Variants in TMTC3 observed in about 807,000 individuals in gnomAD.
TMTC3 encodes transmembrane O-mannosyltransferase targeting cadherins 3, also known as protein O-mannosyl-transferase TMTC3.
Under a neutral mutation model 92.2 loss-of-function variants are expected in TMTC3, and 52 were observed. The ratio of observed to expected loss-of-function variants is 0.56; its 90% CI spans 0.45 to 0.71. The LOEUF (loss-of-function observed/expected upper bound fraction) is 0.71, where lower values mean the gene tolerates loss of function less well. TMTC3 is among the 30% of genes least tolerant of loss of function. The probability of loss-of-function intolerance (pLI) is 0.00; values close to 1 mark genes in which losing one functional copy is unlikely to be tolerated. For synonymous variants in TMTC3, 339 were observed against 363.3 expected, an observed-to-expected ratio of 0.93 and a Z score of 0.76; for missense variants, 896 against 1,057.1, an observed-to-expected ratio of 0.85 and a Z score of 2.11.
In TMTC3 at chr12:88,166,582, G is replaced by A. The variant is rs748051122; in HGVS notation, c.1050G>A (p.Met350Ile). 4.5e-5 allele frequency: 72 copies of A among 1,606,162 alleles called. No homozygotes were observed. Among genetic ancestry groups the A allele is most frequent in the Non-Finnish European group, 5.9e-5 (69 of 1,177,282 alleles). The change falls in exon 7 of 14, where the codon ATG becomes ATA. Residue 350 changes from methionine to isoleucine, a missense_variant and splice_region_variant. Coordinates refer to ENST00000266712, the MANE Select transcript of TMTC3 (RefSeq NM_181783.4). ...YSGDSSKTVLMALCLMALPFI... is the reference protein window; with the variant it reads ...YSGDSSKTVLIALCLMALPFI... ...GTGATTCCTCCAAGACTGTTTTAAT[G>A]GTAAGAAACTTTTCTTAACTTCCAA... is the stretch of plus-strand genomic sequence containing the variant.
At chr12:88,194,614 C>G (rs1383350768) in intron 13 of TMTC3, among the ~76,000 whole-genome samples, 1 of 152,180 alleles carries the variant, frequency 6.6e-6, no homozygotes, top group Non-Finnish European at 1.5e-5. Flanking sequence ...TTCTGAAGCA[C>G]TGTTACTGCT....
chr12:88,160,079 T>G (rs758161685), intron 4 of TMTC3, 35 bp from the exon 5 acceptor site: 6 of 1,393,276 alleles, frequency 4.3e-6, no homozygotes, highest in Non-Finnish European at 6.0e-6. Flanking sequence ...AAAATTGTTT[T>G]CTGAATTTTT....
At chr12:88,146,378 G>T (rs1474070397) in intron 1 of TMTC3, among the ~76,000 whole-genome samples, 2 of 152,140 alleles carry the variant, frequency 1.3e-5, no homozygotes, top group East Asian at 1.9e-4. Context: ...CTTGTGCATT[G>T]AACCTTGCCC....
chr12:88,192,601 C>T lies in TMTC3; in HGVS notation c.1707-3C>T, dbSNP rs1290819454. The T allele has an allele frequency of 6.3e-7, 1 of 1,591,404 alleles. No homozygotes were observed. The highest frequency in any genetic ancestry group is 8.6e-7 in the Non-Finnish European group (1 of 1,162,638). ...GTAAAGCTTGTGTTTGATTTTTCCA[C>T]AGAGGAGAATTGCTTTTAAAAATGA... On this transcript the variant is annotated splice_polypyrimidine_tract_variant and splice_region_variant and intron_variant, in intron 12 of 13. Coordinates refer to ENST00000266712, the MANE Select transcript of TMTC3 (RefSeq NM_181783.4).
At chr12:88,176,343 T>C in intron 10 of TMTC3, 24 bp downstream of exon 10, 2 of 1,512,042 alleles carry the variant, frequency 1.3e-6, no homozygotes, top group East Asian at 2.3e-5. Context: ...ACTAATAAAA[T>C]CATGAATTTT....
rs1277333787 is a variant in TMTC3 at position 88,199,570 on chromosome 12, T to C, written c.*3921T>C. Reference sequence around the variant, plus strand: ...CAAATGATTAGAAATCTAATAGTAATGCTTGTTCCTTTGCTATCTATGCTA... The same window carrying C: ...CAAATGATTAGAAATCTAATAGTAACGCTTGTTCCTTTGCTATCTATGCTA... On this transcript the variant is annotated 3_prime_UTR_variant, in exon 14 of 14. Transcript: ENST00000266712. 2 of 152,180 alleles carry C rather than the reference T, an allele frequency of 1.3e-5. No homozygotes were observed. Among genetic ancestry groups the C allele is most frequent in the Non-Finnish European group, 1.5e-5 (1 of 68,032 alleles). 9.4% of individuals were successfully genotyped at this position (152,180 alleles called of 1,614,324 possible).
intron 10 of TMTC3, among the ~76,000 whole-genome samples, chr12:88,186,667 T>C (rs1037237105): frequency 6.6e-6 from 1 of 152,190 alleles, no homozygotes; most frequent in African/African-American, 2.4e-5. Flanking sequence ...TGCCTTCTTT[T>C]CTTACCTTTT....
chr12:88,157,749 T>A (rs1166257823), intron 4 of TMTC3, among the ~76,000 whole-genome samples: 1 of 152,144 alleles, frequency 6.6e-6, no homozygotes, highest in Non-Finnish European at 1.5e-5. Context: ...GATTTAAGTG[T>A]CCTTAACTTA....
At position 88,148,480 on chromosome 12, in the gene TMTC3, C is replaced by G; in HGVS notation, c.165C>G (p.Asp55Glu). ...STPLKTLFQN[D>E]FWGTPMSEER... ...CTTTAAAAACTTTATTTCAAAATGACTTCTGGGGAACCCCTATGTCTGAGG... is the reference window on the plus strand; with the variant it reads ...CTTTAAAAACTTTATTTCAAAATGAGTTCTGGGGAACCCCTATGTCTGAGG... The change falls in exon 2 of 14, where the codon GAC (aspartate) becomes GAG (glutamate). Residue 55 changes from aspartate to glutamate, a missense_variant. Coordinates refer to ENST00000266712, the MANE Select transcript of TMTC3 (RefSeq NM_181783.4). 2 of 1,610,926 alleles carry G rather than the reference C, an allele frequency of 1.2e-6. No individual in the cohort carries two copies. The highest frequency in any genetic ancestry group is 1.7e-6 in the Non-Finnish European group (2 of 1,178,490).
In TMTC3 at chr12:88,195,111, T is replaced by C; in HGVS notation, c.2207T>C (p.Ile736Thr). ...TTACTCAGATACTACCCTGATCATATCAAGGGCCTCATTTTAAAAGGAGAC... is the reference window on the plus strand; with the variant it reads ...TTACTCAGATACTACCCTGATCATACCAAGGGCCTCATTTTAAAAGGAGAC... Reference protein sequence around the residue: ...EELLRYYPDHIKGLILKGDIL... With the variant: ...EELLRYYPDHTKGLILKGDIL... Residue 736 changes from isoleucine to threonine, a missense_variant, in exon 14 of 14, where the codon ATC becomes ACC. Physicochemically the swap from Ile to Thr is moderately conservative, Grantham distance 89. Transcript: ENST00000266712. The C allele has an allele frequency of 6.2e-7, 1 of 1,613,808 alleles. No homozygotes were observed. Among genetic ancestry groups the C allele is most frequent in the Non-Finnish European group, 8.5e-7 (1 of 1,179,894 alleles).
At chr12:88,174,823 A>G (rs1324165870) in intron 9 of TMTC3, 96 bp downstream of exon 9, 10 of 1,436,468 alleles carry the variant, frequency 7.0e-6, no homozygotes, top group African/African-American at 1.4e-5. Flanking sequence ...TTAGACATTT[A>G]ACAGTCAATA....
chr12:88,169,937 GAAA>G (rs11305978), intron 7 of TMTC3, among the ~76,000 whole-genome samples: 1 of 142,460 alleles, frequency 7.0e-6, no homozygotes. Context: ...GACCCTGTCA[GAAA>G]AAAAAAAAAA....
chr12:88,157,250 G>A (rs2041022722), intron 4 of TMTC3, among the ~76,000 whole-genome samples: 1 of 151,316 alleles, frequency 6.6e-6, no homozygotes, highest in South Asian at 2.1e-4. Context: ...CTTAACCACT[G>A]TGATACTTTG....
chr12:88,177,298 C>T (rs972712880), intron 10 of TMTC3, among the ~76,000 whole-genome samples: 3 of 151,736 alleles, frequency 2.0e-5, no homozygotes, highest in African/African-American at 7.3e-5. Flanking sequence ...TGCACTCCAG[C>T]CTGGGTGACA....
chr12:88,155,260 G>T (rs1404572595), intron 4 of TMTC3, among the ~76,000 whole-genome samples: 2 of 152,160 alleles, frequency 1.3e-5, no homozygotes, highest in African/African-American at 4.8e-5. Context: ...AACACATCAG[G>T]CAAATTAACC....
intron 9 of TMTC3, among the ~76,000 whole-genome samples, chr12:88,175,545 C>G (rs2041250326): frequency 6.6e-6 from 1 of 152,180 alleles, no homozygotes; most frequent in Non-Finnish European, 1.5e-5. Context: ...GCTCTACTCT[C>G]TCTCCCAACT....
intron 6 of TMTC3, 27 bp downstream of exon 6, chr12:88,160,878 T>TAA: frequency 6.5e-7 from 1 of 1,548,618 alleles, no homozygotes; most frequent in Non-Finnish European, 8.7e-7. Flanking sequence ...CTTTGTTTTC[T>TAA]CCATTCTTTT....
At chr12:88,150,751 C>G (rs531165082) in intron 2 of TMTC3, among the ~76,000 whole-genome samples, 49 of 152,204 alleles carry the variant, frequency 3.2e-4, no homozygotes, top group African/African-American at 1.2e-3. Context: ...ATTCAAAGAT[C>G]TAATCATTGA....
intron 10 of TMTC3, among the ~76,000 whole-genome samples, chr12:88,178,812 C>T (rs992357840): frequency 6.6e-6 from 1 of 152,124 alleles, no homozygotes; most frequent in East Asian, 1.9e-4. Flanking sequence ...TACTTAGGCC[C>T]CTCAGACTCT....
Sources: allele counts gnomAD v4.1 joint callset (sites outside exome capture counted in the v4.1 genomes callset), GRCh38; gene constraint gnomAD v4.1.1; transcripts MANE v1.5; gene names NCBI Gene and HGNC (gene_info 2026-07-23, HGNC 2026-07-21).